LRCH1: variants seen among roughly 807,000 people sequenced by gnomAD.
The protein encoded by LRCH1 is leucine rich repeats and calponin homology domain containing 1.
In LRCH1, 23 loss-of-function variants were observed where a neutral mutation model predicts 94.9. The observed-to-expected ratio is 0.24, with a 90% CI of 0.17 to 0.34. The LOEUF is 0.34. LRCH1 is among the 10% of genes least tolerant of loss of function. The pLI is 1.00. For missense variants in LRCH1, 790 were observed against 945.9 expected, an observed-to-expected ratio of 0.84 and a Z score of 2.16; for synonymous variants, 364 against 354.9, an observed-to-expected ratio of 1.03 and a Z score of -0.29.
intron 1 of LRCH1, among the ~76,000 whole-genome samples, chr13:46,554,055 A>C (rs1473179327): frequency 1.3e-5 from 2 of 152,134 alleles, no homozygotes; most frequent in Non-Finnish European, 2.9e-5. Context: ...TGTAAGTGGG[A>C]GGTTTCAGGC....
intron 18 of LRCH1, among the ~76,000 whole-genome samples, chr13:46,729,362 A>T (rs2138230015): frequency 6.6e-6 from 1 of 151,978 alleles, no homozygotes; most frequent in South Asian, 2.1e-4. Context: ...GGGGTTCTAA[A>T]ATAGAAAACT....
At chr13:46,701,448 A>G (rs1871466435) in intron 11 of LRCH1, among the ~76,000 whole-genome samples, 1 of 152,200 alleles carries the variant, frequency 6.6e-6, no homozygotes, top group Admixed American at 6.5e-5. Flanking sequence ...TTCACCCCTC[A>G]TGAAGTTCAT....
chr13:46,637,336 C>T (rs2051104013), intron 1 of LRCH1, among the ~76,000 whole-genome samples: 1 of 152,188 alleles, frequency 6.6e-6, no homozygotes, highest in Admixed American at 6.5e-5. Flanking sequence ...ACAAATCTAG[C>T]GAGAAGAGCC....
intron 1 of LRCH1, among the ~76,000 whole-genome samples, chr13:46,573,222 G>A (rs2050260138): frequency 6.6e-6 from 1 of 152,010 alleles, no homozygotes; most frequent in Non-Finnish European, 1.5e-5. Flanking sequence ...ACTATCCTTG[G>A]TTCCTAGGAC....
chr13:46,702,067 A>G lies in LRCH1; in HGVS notation c.1400+860A>G, dbSNP rs144390341. ...GTCTTTTGCAATTGATTTGAAAAAC[A>G]TTTCAATTCTGCAGACATTAATTGA... is the stretch of plus-strand genomic sequence containing the variant. On this transcript the variant is annotated intron_variant, in intron 11 of 19. Transcript: ENST00000389797. Among the ~76,000 whole-genome samples, 503 of 152,338 alleles carry G rather than the reference A, an allele frequency of 3.3e-3. 3 individuals carry two copies. Among genetic ancestry groups the G allele is most frequent in the African/African-American group, 0.012 (481 of 41,576 alleles).
intron 1 of LRCH1, among the ~76,000 whole-genome samples, chr13:46,559,713 A>G (rs1297636946): frequency 6.6e-6 from 1 of 152,236 alleles, no homozygotes; most frequent in Non-Finnish European, 1.5e-5. Context: ...GTGCCAGTTT[A>G]TAAAGGAACA....
intron 9 of LRCH1, among the ~76,000 whole-genome samples, chr13:46,698,465 G>T (rs967102769): frequency 8.5e-6 from 1 of 117,848 alleles, no homozygotes; most frequent in Non-Finnish European, 1.7e-5. Flanking sequence ...TGGGGTGACA[G>T]TGCAGGGAGA....
chr13:46,673,249 C>T (rs1373384247), intron 3 of LRCH1, among the ~76,000 whole-genome samples: 2 of 152,062 alleles, frequency 1.3e-5, no homozygotes, highest in African/African-American at 2.4e-5. Context: ...TCGGCAGCTC[C>T]GTCACCTGTG....
chr13:46,683,953 G>C (rs1205034262), intron 4 of LRCH1, among the ~76,000 whole-genome samples: 3 of 152,070 alleles, frequency 2.0e-5, no homozygotes, highest in Non-Finnish European at 4.4e-5. Context: ...GTCAGTGACT[G>C]TAAAGACTTT....
intron 1 of LRCH1, among the ~76,000 whole-genome samples, chr13:46,633,032 T>G (rs2051037609): frequency 6.6e-6 from 1 of 152,226 alleles, no homozygotes; most frequent in Non-Finnish European, 1.5e-5. Context: ...TTGAATAAAC[T>G]ATTTCTAGCC....
At chr13:46,659,113 C>T (rs985818148) in intron 2 of LRCH1, among the ~76,000 whole-genome samples, 4 of 152,078 alleles carry the variant, frequency 2.6e-5, no homozygotes, top group Admixed American at 1.3e-4. Context: ...ACTCTTTTTG[C>T]CTGTTGCAAA....
rs776187583 is a variant in LRCH1 at position 46,669,091 on chromosome 13, G to A, written c.514G>A (p.Ala172Thr). Residue 172 changes from alanine to threonine, a missense_variant, in exon 3 of 20, where the codon GCA becomes ACA. Physicochemically the swap from Ala to Thr is moderately conservative, Grantham distance 58. Around this residue, in one of 3 missense-constraint regions of LRCH1, gnomAD observed 194 missense variants for 293.5 expected, o/e 0.66. Transcript: ENST00000389797. ...TGGTCTGCCTCTCAAAGTCTTAATC[G>A]CAAGTAACAACAAACTTGGATCATT... ...LCGLPLKVLI[A>T]SNNKLGSLPE... 54 of 1,613,938 alleles carry A rather than the reference G, an allele frequency of 3.3e-5. No individual in the cohort carries two copies. Among genetic ancestry groups the A allele is most frequent in the South Asian group, 1.5e-4 (14 of 91,076 alleles).
intron 2 of LRCH1, among the ~76,000 whole-genome samples, chr13:46,652,184 C>T (rs1027325979): frequency 2.6e-5 from 4 of 151,794 alleles, no homozygotes; most frequent in Middle Eastern, 3.2e-3. Flanking sequence ...TCACGCCGTT[C>T]TACTGCCTCA....
chr13:46,610,838 G>A (rs905002924), intron 1 of LRCH1, among the ~76,000 whole-genome samples: 1 of 152,194 alleles, frequency 6.6e-6, no homozygotes, highest in Non-Finnish European at 1.5e-5. Flanking sequence ...CGTCTGACAT[G>A]TTCTGCACCA....
downstream of LRCH1, among the ~76,000 whole-genome samples, chr13:46,748,217 C>T (rs1873987106): frequency 2.0e-5 from 3 of 150,760 alleles, no homozygotes; most frequent in Admixed American, 1.3e-4. Flanking sequence ...CCTTTCCCAT[C>T]CATTTATCAG....
intron 3 of LRCH1, among the ~76,000 whole-genome samples, chr13:46,673,502 GA>G (rs66625580): frequency 0.76 from 115,483 of 151,776 alleles, 44,248 homozygotes; most frequent in East Asian, 0.91. Context: ...CTATCAATTG[GA>G]AAAAAAAATT....
At chr13:46,676,164 G>T (rs893910751) in intron 3 of LRCH1, among the ~76,000 whole-genome samples, 6 of 151,934 alleles carry the variant, frequency 3.9e-5, no homozygotes, top group African/African-American at 9.7e-5. Flanking sequence ...AGCAGGCTGA[G>T]GGAGGAGAAT....
intron 3 of LRCH1, among the ~76,000 whole-genome samples, chr13:46,673,979 A>G (rs2051638084): frequency 1.3e-5 from 2 of 152,058 alleles, no homozygotes; most frequent in African/African-American, 4.8e-5. Flanking sequence ...ATGGGGTTTC[A>G]CTGTGTTGGC....
At position 46,695,159 on chromosome 13, in the gene LRCH1, G is replaced by C; in HGVS notation, c.1245+142G>C. 3 of 959,764 alleles carry C rather than the reference G, an allele frequency of 3.1e-6. No individual in the cohort carries two copies. The South Asian group carries it at 5.0e-5, about 16-fold the overall frequency. 59.5% of individuals were successfully genotyped at this position (959,764 alleles called of 1,614,324 possible). A position where few individuals can be genotyped will look rare whatever the true frequency, so the allele number is the denominator to read the frequency against. ...CCTGAAGCGTTCCAAACATCTCAGC[G>C]CTCAGCGTGTCTATTTGCTGATGTG... On this transcript the variant is annotated intron_variant, in intron 9 of 19. Coordinates refer to ENST00000389797, the MANE Select transcript of LRCH1 (RefSeq NM_001164211.2).
Sources: allele counts gnomAD v4.1 joint callset (sites outside exome capture counted in the v4.1 genomes callset), GRCh38; gene constraint gnomAD v4.1.1; regional missense constraint gnomAD v4.1.1; transcripts MANE v1.5; gene names NCBI Gene and HGNC (gene_info 2026-07-23, HGNC 2026-07-21).